Variants in PLA2G4A observed in about 807,000 individuals in gnomAD.
PLA2G4A encodes the protein cytosolic phospholipase A2.
Under a neutral mutation model 81.9 loss-of-function variants are expected in PLA2G4A, and 40 were observed. That is an observed-to-expected ratio of 0.49 (90% CI 0.38 to 0.64). PLA2G4A has a LOEUF of 0.64. Ranked by LOEUF, PLA2G4A falls within the 30% of genes least tolerant of loss-of-function variation. The pLI is 0.00. For missense variants in PLA2G4A, 715 were observed against 905.1 expected, an observed-to-expected ratio of 0.79 and a Z score of 2.69; for synonymous variants, 302 against 296.9, an observed-to-expected ratio of 1.02 and a Z score of -0.18.
chr1:186,847,236 G>GA (rs1469782983), intron 1 of PLA2G4A, among the ~76,000 whole-genome samples: 1 of 152,050 alleles, frequency 6.6e-6, no homozygotes, highest in Admixed American at 6.6e-5. Flanking sequence ...TTGAAAATGT[G>GA]ATAGAGCTTA....
chr1:186,896,933 C>A (rs958400461), intron 5 of PLA2G4A, among the ~76,000 whole-genome samples: 2 of 152,018 alleles, frequency 1.3e-5, no homozygotes, highest in Non-Finnish European at 2.9e-5. Context: ...TGCCAGCCAC[C>A]CAGCTATCCA....
intron 2 of PLA2G4A, among the ~76,000 whole-genome samples, chr1:186,855,865 T>C (rs1427955115): frequency 6.6e-6 from 1 of 152,092 alleles, no homozygotes; most frequent in Non-Finnish European, 1.5e-5. Flanking sequence ...TAGTCTGTGT[T>C]TGCCCCAATA....
At chr1:186,890,699 C>CA (rs1230474236) in intron 3 of PLA2G4A, among the ~76,000 whole-genome samples, 1 of 151,798 alleles carries the variant, frequency 6.6e-6, no homozygotes, top group Non-Finnish European at 1.5e-5. Flanking sequence ...ACTGAATATA[C>CA]AAAAATTAGC....
At chr1:186,903,165 C>G (rs1057196168) in intron 5 of PLA2G4A, among the ~76,000 whole-genome samples, 2 of 151,440 alleles carry the variant, frequency 1.3e-5, no homozygotes, top group Non-Finnish European at 2.9e-5. Flanking sequence ...TAAAGCAGAA[C>G]ATATTATGTA....
intron 14 of PLA2G4A, among the ~76,000 whole-genome samples, chr1:186,962,060 G>A (rs1407408808): frequency 6.6e-6 from 1 of 152,020 alleles, no homozygotes; most frequent in East Asian, 1.9e-4. Flanking sequence ...TGACTCAGTG[G>A]CCATCTCAGT....
chr1:186,897,322 AC>A (rs1198084586), intron 5 of PLA2G4A, among the ~76,000 whole-genome samples: 2 of 151,562 alleles, frequency 1.3e-5, no homozygotes. Context: ...GAGAGAATGG[AC>A]CCTCGTTTTG....
intron 8 of PLA2G4A, among the ~76,000 whole-genome samples, chr1:186,935,645 A>G (rs1655919505): frequency 6.6e-6 from 1 of 151,978 alleles, no homozygotes; most frequent in Non-Finnish European, 1.5e-5. Context: ...ACCAGAAGAA[A>G]AGGTGGCCAG....
At chr1:186,904,556 G>A (rs78499310) in intron 5 of PLA2G4A, among the ~76,000 whole-genome samples, 1 of 152,350 alleles carries the variant, frequency 6.6e-6, no homozygotes, top group East Asian at 1.9e-4. Context: ...CCTCCTGGTT[G>A]TGGGTGACCC....
chr1:186,974,358 G>T (rs1469095878), intron 15 of PLA2G4A, among the ~76,000 whole-genome samples: 3 of 152,046 alleles, frequency 2.0e-5, no homozygotes, highest in Non-Finnish European at 4.4e-5. Context: ...AGCCAGGTGT[G>T]GTGGCACACA....
At chr1:186,915,845 G>C (rs1364291053) in intron 7 of PLA2G4A, among the ~76,000 whole-genome samples, 1 of 152,086 alleles carries the variant, frequency 6.6e-6, no homozygotes, top group Admixed American at 6.5e-5. Context: ...CATCCTACGG[G>C]GTGAGTGAAT....
intron 3 of PLA2G4A, among the ~76,000 whole-genome samples, chr1:186,874,172 ATACTC>A (rs1175566196): frequency 2.0e-5 from 3 of 152,106 alleles, no homozygotes; most frequent in Non-Finnish European, 2.9e-5. Flanking sequence ...GTTAAACTCT[ATACTC>A]TACATTGTCC....
chr1:186,830,334 G>T (rs1651498982), intron 1 of PLA2G4A, among the ~76,000 whole-genome samples: 1 of 151,966 alleles, frequency 6.6e-6, no homozygotes, highest in Admixed American at 6.6e-5. Flanking sequence ...CTGGCTGGGC[G>T]CAGTGGCTCA....
chr1:186,933,748 G>A (rs1327324303), intron 8 of PLA2G4A, among the ~76,000 whole-genome samples: 1 of 152,076 alleles, frequency 6.6e-6, no homozygotes, highest in East Asian at 1.9e-4. Context: ...CTTGTGAGAT[G>A]GGTATGAATT....
chr1:186,960,862 A>C (rs1656918146), intron 14 of PLA2G4A, among the ~76,000 whole-genome samples: 1 of 152,180 alleles, frequency 6.6e-6, no homozygotes, highest in Non-Finnish European at 1.5e-5. Flanking sequence ...GGGAATGCGC[A>C]ATGTAATTGG....
chr1:186,891,173 A>G (rs980727612), intron 3 of PLA2G4A, among the ~76,000 whole-genome samples: 4 of 151,128 alleles, frequency 2.6e-5, no homozygotes, highest in Non-Finnish European at 5.9e-5. Flanking sequence ...TTTAATTTTT[A>G]TGGGTACATA....
At chr1:186,985,358 T>TA (rs933342417) in intron 17 of PLA2G4A, among the ~76,000 whole-genome samples, 29 of 151,458 alleles carry the variant, frequency 1.9e-4, no homozygotes, top group East Asian at 1.6e-3. Flanking sequence ...AGCGCTCGGA[T>TA]AAAAAAAAAT....
At chr1:186,913,569 T>G (rs970778114) in intron 7 of PLA2G4A, among the ~76,000 whole-genome samples, 1 of 152,142 alleles carries the variant, frequency 6.6e-6, no homozygotes, top group African/African-American at 2.4e-5. Context: ...AATTATTTAC[T>G]TATTTATTTA....
Position 186,982,464 on chromosome 1 carries a change from CT to C in PLA2G4A, c.2118+2993del, listed in dbSNP as rs1363053680. 3.3e-5 allele frequency among the ~76,000 whole-genome samples: 5 copies of C among 152,158 alleles called. No homozygotes were observed. In the East Asian group the frequency reaches 9.6e-4, roughly 29 times the overall value. On this transcript the variant is annotated intron_variant, in intron 17 of 17. Transcript: ENST00000367466. ...GCTGCTCAATAAATGAGAACCTTACCTATACATGTCCTTATCTTGTACCCCT... is the reference window on the plus strand; with the variant it reads ...GCTGCTCAATAAATGAGAACCTTACCATACATGTCCTTATCTTGTACCCCT...
At chr1:186,942,573 C>A (rs1656190981) in intron 10 of PLA2G4A, among the ~76,000 whole-genome samples, 2 of 151,758 alleles carry the variant, frequency 1.3e-5, no homozygotes, top group Non-Finnish European at 2.9e-5. Context: ...TATAAAGAGG[C>A]ATACAAATAT....
Sources: gnomAD v4.1 joint callset for allele counts (sites outside exome capture counted in the v4.1 genomes callset) on GRCh38, gnomAD v4.1.1 for gene constraint, MANE v1.5 for transcripts, NCBI Gene and HGNC (gene_info 2026-07-23, HGNC 2026-07-21) for gene names.